Variants in EBI3 observed in about 807,000 individuals in gnomAD.
EBI3 encodes interleukin-27 subunit beta.
In EBI3, 19 loss-of-function variants were observed where a neutral mutation model predicts 21.3. The observed-to-expected ratio is 0.89, with a 90% CI of 0.62 to 1.31. EBI3 has a LOEUF of 1.31. Among genes scored for constraint, EBI3 ranks in the 50% most tolerant of loss-of-function variants. The probability of loss-of-function intolerance (pLI) is 0.00; values close to 1 mark genes in which losing one functional copy is unlikely to be tolerated. For synonymous variants in EBI3, 154 were observed against 131.2 expected (o/e 1.17, Z -1.19); for missense variants, 331 against 314.0 (o/e 1.05, Z -0.41).
chr19:4,231,933 T>G (rs1020351922), intron 2 of EBI3, among the ~76,000 whole-genome samples: 1 of 150,180 alleles, frequency 6.7e-6, no homozygotes, highest in East Asian at 2.0e-4. Context: ...ATTTTTAAAA[T>G]TAGCTGGGCA....
intron 4 of EBI3, among the ~76,000 whole-genome samples, chr19:4,235,290 A>T (rs1970827242): frequency 7.0e-6 from 1 of 143,590 alleles, no homozygotes; most frequent in South Asian, 2.1e-4. Context: ...AAGTGCTGGG[A>T]TTACAGGCGT....
chr19:4,232,243 AAAGAAAAG>A (rs1246373800), intron 2 of EBI3, among the ~76,000 whole-genome samples: 2,615 of 83,678 alleles, frequency 0.031, 183 homozygotes, highest in African/African-American at 0.13. Context: ...AAAAAAAAAA[AAAGAAAAG>A]AAAAGAAAAG....
chr19:4,231,770 CAAAA>C (rs776262776), intron 2 of EBI3, among the ~76,000 whole-genome samples: 3 of 102,888 alleles, frequency 2.9e-5, no homozygotes, highest in Admixed American at 1.1e-4. Context: ...GACTCCATCT[CAAAA>C]AAAAAAAAAA....
chr19:4,231,611 A>C (rs1970783771), intron 2 of EBI3, among the ~76,000 whole-genome samples: 1 of 151,022 alleles, frequency 6.6e-6, no homozygotes, highest in African/African-American at 2.4e-5. Flanking sequence ...CTCTACGAAA[A>C]ATTTTAAAAA....
At chr19:4,231,557 G>A (rs1355205218) in intron 2 of EBI3, among the ~76,000 whole-genome samples, 3 of 151,296 alleles carry the variant, frequency 2.0e-5, no homozygotes, top group Non-Finnish European at 4.4e-5. Context: ...ATTGCTTGAG[G>A]TCAGGAGTTT....
intron 2 of EBI3, among the ~76,000 whole-genome samples, chr19:4,232,621 G>A (rs1402621927): frequency 1.3e-5 from 2 of 152,002 alleles, no homozygotes; most frequent in Admixed American, 1.3e-4. Flanking sequence ...CCGCTCTGGA[G>A]GCTGAGACAG....
chr19:4,234,871 G>A (rs1297020298), intron 4 of EBI3, 47 bp downstream of exon 4: 4 of 1,602,318 alleles, frequency 2.5e-6, no homozygotes, highest in African/African-American at 1.3e-5. Flanking sequence ...CCTGGCAGAG[G>A]GAATGGTTTT....
intron 1 of EBI3, 125 bp from the exon 2 acceptor site, chr19:4,231,066 A>G (rs1052994498): frequency 1.5e-6 from 2 of 1,293,732 alleles, no homozygotes; most frequent in East Asian, 2.8e-5. Flanking sequence ...TTTATTCCGA[A>G]AGCCTTTATT....
chr19:4,233,962 T>C (rs1452275373), intron 3 of EBI3, among the ~76,000 whole-genome samples: 1 of 152,138 alleles, frequency 6.6e-6, no homozygotes, highest in African/African-American at 2.4e-5. Flanking sequence ...CCCAGCACTT[T>C]GGGAGGCTGA....
intron 2 of EBI3, among the ~76,000 whole-genome samples, chr19:4,231,597 C>G (rs1970783622): frequency 6.6e-6 from 1 of 151,394 alleles, no homozygotes; most frequent in South Asian, 2.1e-4. Flanking sequence ...TAGTGAGACA[C>G]TGTCTCTACG....
In EBI3 at chr19:4,234,076, G is replaced by A. The variant is rs560495848; in HGVS notation, c.380-591G>A. Among the ~76,000 whole-genome samples, 10 of 152,254 alleles carry A rather than the reference G, an allele frequency of 6.6e-5. No homozygotes were observed. In the East Asian group the frequency reaches 1.9e-3, roughly 29 times the overall value. On this transcript the variant is annotated intron_variant, in intron 3 of 4. Coordinates refer to ENST00000221847, the MANE Select transcript of EBI3 (RefSeq NM_005755.3). Reference sequence around the variant, plus strand: ...CAAGAATTAGCTGGGCATAGTGGCAGGTGCCTGTAATCCCAGCTACTCAGG... The same window carrying A: ...CAAGAATTAGCTGGGCATAGTGGCAAGTGCCTGTAATCCCAGCTACTCAGG...
rs565001724 is a variant in EBI3 at position 4,233,181 on chromosome 19, A to G, written c.253A>G (p.Thr85Ala). 45 of 1,610,116 alleles carry G rather than the reference A, an allele frequency of 2.8e-5. No homozygotes were observed. In the South Asian group the frequency reaches 4.0e-4, roughly 14 times the overall value. Residue 85 changes from threonine to alanine, a missense_variant, in exon 3 of 5, where the codon ACG becomes GCG. Coordinates refer to ENST00000221847, the MANE Select transcript of EBI3 (RefSeq NM_005755.3). ...CTGGCCCTGCCTGCAGCAGACGCCA[A>G]CGTCCACCAGCTGCACCATCACGGA... ...HSWPCLQQTP[T>A]STSCTITDVQ...
Position 4,233,282 on chromosome 19 carries a change from CG to C in EBI3, c.355del (p.Val119CysfsTer4). 1 of 1,401,008 alleles carries C rather than the reference CG, an allele frequency of 7.1e-7. No individual in the cohort carries two copies. Among genetic ancestry groups the C allele is most frequent in the Non-Finnish European group, 9.5e-7 (1 of 1,047,632 alleles). 86.8% of individuals were successfully genotyped at this position (1,401,008 alleles called of 1,614,324 possible). On this transcript the variant is annotated frameshift_variant, in exon 3 of 5. Coordinates refer to ENST00000221847, the MANE Select transcript of EBI3 (RefSeq NM_005755.3). LOFTEE classifies it high-confidence loss of function. ...ACCCCTGGGGCTCCAGCAGCAGCTT[CG>C]TGCCTTTCATAACAGAGCACATCAG... Reference protein sequence around the residue: ...VHPWGSSSSFVPFITEHIIKP... With the variant: ...VHPWGSSSSFXPFITEHIIKP...
intron 1 of EBI3, 94 bp from the exon 2 acceptor site, chr19:4,231,097 G>A: frequency 2.1e-6 from 3 of 1,445,556 alleles, no homozygotes; most frequent in Non-Finnish European, 2.7e-6. Context: ...CATGTACCTG[G>A]TGCTGGCTGG....
chr19:4,236,265 A>C, intron 4 of EBI3, among the ~76,000 whole-genome samples: 1 of 146,670 alleles, frequency 6.8e-6, no homozygotes, highest in East Asian at 2.0e-4. Flanking sequence ...GAGGCAGGAG[A>C]ATGGCTTGAA....
Position 4,231,243 on chromosome 19 carries a change from C to T in EBI3, c.120C>T (p.Tyr40=). 1.9e-6 allele frequency: 3 copies of T among 1,612,446 alleles called. No individual in the cohort carries two copies. The highest frequency in any genetic ancestry group is 2.5e-6 in the Non-Finnish European group (3 of 1,179,558). The change falls in exon 2 of 5, where the codon TAC becomes TAT. Residue 40 remains tyrosine (Y), a synonymous_variant. Coordinates refer to ENST00000221847, the MANE Select transcript of EBI3 (RefSeq NM_005755.3). ...LPRVQCRASR[Y]PIAVDCSWTL... ...GGGTGCAATGCCGAGCCTCTCGGTA[C>T]CCGATCGCCGTGGATTGCTCCTGGA... is the stretch of plus-strand genomic sequence containing the variant.
At chr19:4,235,171 A>G (rs1970826242) in intron 4 of EBI3, among the ~76,000 whole-genome samples, 1 of 151,932 alleles carries the variant, frequency 6.6e-6, no homozygotes, top group South Asian at 2.1e-4. Flanking sequence ...GGCACGTGCC[A>G]CTATGCCCGG....
chr19:4,230,217 C>T (rs1168757221), intron 1 of EBI3, among the ~76,000 whole-genome samples: 1 of 152,158 alleles, frequency 6.6e-6, no homozygotes, highest in African/African-American at 2.4e-5. Context: ...AGCCACCGCG[C>T]CCGGCCGACA....
chr19:4,231,366 T>C (rs1026560814), intron 2 of EBI3, 43 bp downstream of exon 2: 3 of 1,564,010 alleles, frequency 1.9e-6, no homozygotes, highest in Non-Finnish European at 2.6e-6. Context: ...CTGGACTTCC[T>C]GGAGAGCCCA....
Sources: allele counts gnomAD v4.1 joint callset (sites outside exome capture counted in the v4.1 genomes callset), GRCh38; gene constraint gnomAD v4.1.1; transcripts MANE v1.5; gene names NCBI Gene and HGNC (gene_info 2026-07-23, HGNC 2026-07-21).